MACROD1: variants seen among roughly 807,000 people sequenced by gnomAD.
MACROD1 encodes ADP-ribose glycohydrolase MACROD1.
Under a neutral mutation model 41.4 loss-of-function variants are expected in MACROD1, and 31 were observed. The observed-to-expected ratio is 0.75, with a 90% CI of 0.56 to 1.01. MACROD1 has a LOEUF of 1.01. MACROD1 is among the 50% of genes least tolerant of loss of function. The pLI, the probability that MACROD1 is intolerant of heterozygous loss-of-function variation, is 0.00. For missense variants in MACROD1, 473 were observed against 460.0 expected, an observed-to-expected ratio of 1.03 and a Z score of -0.26; for synonymous variants, 252 against 203.4, an observed-to-expected ratio of 1.24 and a Z score of -2.03.
Position 64,100,593 on chromosome 11 carries a change from C to T in MACROD1, c.517+50646G>A, listed in dbSNP as rs139861612. The stretch of plus-strand genomic sequence containing the variant: ...TGGCGGGAGGTGTCTGCCAGGCGCA[C>T]GCATTTACATATTTATTCTTGGGCC... On this transcript the variant is annotated intron_variant, in intron 3 of 10. Transcript: ENST00000255681. Among the ~76,000 whole-genome samples, 502 of 152,276 alleles carry T rather than the reference C, an allele frequency of 3.3e-3. 6 individuals are homozygous for T. The highest frequency in any genetic ancestry group is 0.02 in the Middle Eastern group (6 of 294).
intron 3 of MACROD1, among the ~76,000 whole-genome samples, chr11:64,099,650 G>A (rs1427644733): frequency 4.6e-5 from 7 of 151,730 alleles, no homozygotes; most frequent in African/African-American, 1.7e-4. Context: ...ATAGGAGGAT[G>A]GATGGAGAGA....
intron 1 of MACROD1, among the ~76,000 whole-genome samples, chr11:64,160,940 G>A (rs1292217974): frequency 7.2e-5 from 11 of 152,028 alleles, no homozygotes; most frequent in Non-Finnish European, 1.3e-4. Flanking sequence ...GGGAGGCCGA[G>A]ACAGGTAGAC....
chr11:64,041,287 G>A (rs934067008), intron 3 of MACROD1, among the ~76,000 whole-genome samples: 2 of 148,918 alleles, frequency 1.3e-5, no homozygotes, highest in Middle Eastern at 3.2e-3. Flanking sequence ...GTGAGGAGCC[G>A]GCATTTATCT....
intron 3 of MACROD1, among the ~76,000 whole-genome samples, chr11:64,038,979 A>T (rs1265576488): frequency 6.6e-6 from 1 of 152,052 alleles, no homozygotes. Flanking sequence ...GTTCATGCCT[A>T]GCAATGTGGG....
chr11:64,043,390 T>A (rs1255289859), intron 3 of MACROD1, among the ~76,000 whole-genome samples: 1 of 152,106 alleles, frequency 6.6e-6, no homozygotes, highest in Non-Finnish European at 1.5e-5. Context: ...AGCCCCGAGG[T>A]CTGGGGCCCA....
rs946675271 is a variant in MACROD1 at position 63,998,570 on chromosome 11, A to C, written c.*148T>G. On this transcript the variant is annotated 3_prime_UTR_variant, in exon 11 of 11. Coordinates refer to ENST00000255681, the MANE Select transcript of MACROD1 (RefSeq NM_014067.4). ...AGACAGTAGGAGCTGCCACAACGAG[A>C]TCTTTATTAGGCTCCTCGGGGGCGG... 1 of 1,196,570 alleles carries C rather than the reference A, an allele frequency of 8.4e-7. No individual in the cohort carries two copies. The highest frequency in any genetic ancestry group is 1.0e-6 in the Non-Finnish European group (1 of 954,350). 74.1% of individuals were successfully genotyped at this position (1,196,570 alleles called of 1,614,324 possible).
At position 64,096,293 on chromosome 11, in the gene MACROD1, G is replaced by A. The variant is rs1944574904; in HGVS notation, c.517+54946C>T. On this transcript the variant is annotated intron_variant, in intron 3 of 10. Transcript: ENST00000255681. This position sits in a 1 kb window ranked among gnomAD's most constrained non-coding sequence, Gnocchi z 4.6. ...AAAGAAGAGGTTCCGGCCTTGGCTG[G>A]TGGCGCCAGGTTCATCACCCCGAGC... Among the ~76,000 whole-genome samples, 1 of 152,224 alleles carries A rather than the reference G, an allele frequency of 6.6e-6. No homozygotes were observed. The highest frequency in any genetic ancestry group is 6.5e-5 in the Admixed American group (1 of 15,290).
At chr11:64,130,442 C>T (rs530438748) in intron 3 of MACROD1, among the ~76,000 whole-genome samples, 1 of 152,200 alleles carries the variant, frequency 6.6e-6, no homozygotes, top group Non-Finnish European at 1.5e-5. Context: ...CCTGCCCCTA[C>T]TTCCCAGGAG....
chr11:64,044,071 C>T (rs1273807017), intron 3 of MACROD1, among the ~76,000 whole-genome samples: 2 of 151,946 alleles, frequency 1.3e-5, no homozygotes, highest in Non-Finnish European at 2.9e-5. Context: ...CCACTTCGGC[C>T]TCCCAAAGTG....
At chr11:64,089,127 C>T (rs1423994056) in intron 3 of MACROD1, among the ~76,000 whole-genome samples, 1 of 152,218 alleles carries the variant, frequency 6.6e-6, no homozygotes, top group Non-Finnish European at 1.5e-5. Flanking sequence ...GGCAGGAGCC[C>T]AGGAGCCCGC....
intron 4 of MACROD1, among the ~76,000 whole-genome samples, chr11:64,002,110 T>C (rs1350063799): frequency 6.6e-6 from 1 of 152,160 alleles, no homozygotes; most frequent in Non-Finnish European, 1.5e-5. Context: ...TTCGGGTATG[T>C]GTACATCAGT....
chr11:64,151,646 G>C (rs1295324891), intron 2 of MACROD1, among the ~76,000 whole-genome samples: 2 of 152,204 alleles, frequency 1.3e-5, no homozygotes, highest in Non-Finnish European at 2.9e-5. Flanking sequence ...AGGTGGGTCA[G>C]AGACTTGCCT....
intron 3 of MACROD1, among the ~76,000 whole-genome samples, chr11:64,079,676 A>C (rs989243715): frequency 6.6e-6 from 1 of 152,048 alleles, no homozygotes; most frequent in Non-Finnish European, 1.5e-5. Flanking sequence ...AGACCCCTGG[A>C]GGAGGTGTGG....
intron 3 of MACROD1, among the ~76,000 whole-genome samples, chr11:64,105,163 TA>T (rs1446774867): frequency 1.3e-5 from 2 of 152,214 alleles, no homozygotes; most frequent in Non-Finnish European, 2.9e-5. Flanking sequence ...TTATTTATTA[TA>T]AAAGTGCGCC....
chr11:64,121,035 G>A lies in MACROD1; in HGVS notation c.517+30204C>T, dbSNP rs1033358659. On this transcript the variant is annotated intron_variant, in intron 3 of 10. Coordinates refer to ENST00000255681, the MANE Select transcript of MACROD1 (RefSeq NM_014067.4). ...GGGGACAGCAGGTGGCCCGGACCGTGAGAGCTGCCTGGGAAGGTCCTGCTT... is the reference window on the plus strand; with the variant it reads ...GGGGACAGCAGGTGGCCCGGACCGTAAGAGCTGCCTGGGAAGGTCCTGCTT... 3.3e-5 allele frequency among the ~76,000 whole-genome samples: 5 copies of A among 152,298 alleles called. No homozygotes were observed. In the East Asian group the frequency reaches 9.7e-4, roughly 29 times the overall value.
chr11:64,149,685 G>A (rs1485703201), intron 3 of MACROD1, among the ~76,000 whole-genome samples: 1 of 152,244 alleles, frequency 6.6e-6, no homozygotes, highest in Non-Finnish European at 1.5e-5. Flanking sequence ...CAGCAAGAAG[G>A]TACCGCTGCA....
rs896027868 is a variant in MACROD1, at chr11:64,084,605, C to T, written c.517+66634G>A. On this transcript the variant is annotated intron_variant, in intron 3 of 10. Transcript: ENST00000255681. ...CTCTGTAAAATGGGTGGACAGTACC[C>T]ACTTAGGACAGCGCCTAGAAGGGAC... 2.6e-5 allele frequency among the ~76,000 whole-genome samples: 4 copies of T among 152,322 alleles called. No individual in the cohort carries two copies. In the South Asian group the frequency reaches 8.3e-4, roughly 32 times the overall value.
rs1189920049 is a variant in MACROD1 at position 64,087,790 on chromosome 11, C to G, written c.517+63449G>C. On this transcript the variant is annotated intron_variant, in intron 3 of 10. Coordinates refer to ENST00000255681, the MANE Select transcript of MACROD1 (RefSeq NM_014067.4). ...CACGTCTGAATGACCGGAGGCTGGA[C>G]GCCTGCCCAGGGCTGGCTTCTCTGC... Among the ~76,000 whole-genome samples, 3 of 152,244 alleles carry G rather than the reference C, an allele frequency of 2.0e-5. No individual in the cohort carries two copies. In the East Asian group the frequency reaches 5.8e-4, roughly 29 times the overall value.
At chr11:64,088,598 C>T (rs1417988736) in intron 3 of MACROD1, among the ~76,000 whole-genome samples, 2 of 143,518 alleles carry the variant, frequency 1.4e-5, no homozygotes, top group African/African-American at 5.4e-5. Context: ...CTCTCCTCCT[C>T]CTCCCCGGGT....
Sources: allele counts gnomAD v4.1 joint callset (sites outside exome capture counted in the v4.1 genomes callset), GRCh38; gene constraint gnomAD v4.1.1; non-coding constraint Gnocchi (gnomAD v3.1); transcripts MANE v1.5; gene names NCBI Gene and HGNC (gene_info 2026-07-23, HGNC 2026-07-21).